Variants in TMEM268 observed in about 807,000 individuals in gnomAD.
TMEM268 encodes transmembrane protein C9orf91.
Under a neutral mutation model 39.1 loss-of-function variants are expected in TMEM268, and 24 were observed. The ratio of observed to expected loss-of-function variants is 0.61; its 90% confidence interval spans 0.44 to 0.86. The LOEUF is 0.86. TMEM268 is among the 40% of genes least tolerant of loss of function. The pLI is 0.00. For missense variants in TMEM268, 409 were observed against 428.6 expected, an observed-to-expected ratio of 0.95 and a Z score of 0.40; for synonymous variants, 176 against 173.5, an observed-to-expected ratio of 1.01 and a Z score of -0.12.
In TMEM268 at chr9:114,611,551, CG is replaced by C; in HGVS notation, c.-90del. 6.2e-6 allele frequency: 1 copy of C among 160,518 alleles called. No individual in the cohort carries two copies. Among genetic ancestry groups the C allele is most frequent in the Non-Finnish European group, 1.3e-5 (1 of 79,690 alleles). The allele number at this position is 160,518 out of a possible 1,614,324, so 9.9% of individuals were successfully genotyped here. A position where few individuals can be genotyped will look rare whatever the true frequency, so the allele number is the denominator to read the frequency against. On this transcript the variant is annotated 5_prime_UTR_variant, in exon 1 of 9. Transcript: ENST00000288502. ...CCCGGGGTGGCGGCGGCGGCGGCGG[CG>C]GCGGCGCGGGCGGTGAGTGTGCGCG...
chr9:114,607,420 C>T (rs1845379530), upstream of TMEM268, among the ~76,000 whole-genome samples: 1 of 152,080 alleles, frequency 6.6e-6, no homozygotes, highest in African/African-American at 2.4e-5. Flanking sequence ...CTTTGGGAGG[C>T]CGAGGCAGGT....
upstream of TMEM268, among the ~76,000 whole-genome samples, chr9:114,609,719 GA>G (rs1564279362): frequency 3.6e-5 from 3 of 83,024 alleles, no homozygotes; most frequent in South Asian, 8.4e-4. Context: ...AAAAGAAAAA[GA>G]AAAAGAAAAA....
intron 8 of TMEM268, among the ~76,000 whole-genome samples, chr9:114,642,072 A>G (rs1384131804): frequency 6.6e-6 from 1 of 152,234 alleles, no homozygotes; most frequent in African/African-American, 2.4e-5. Flanking sequence ...TTAAGTATAT[A>G]GTTCAGCAGC....
chr9:114,616,092 T>C (rs1340344250), intron 1 of TMEM268, among the ~76,000 whole-genome samples: 1 of 148,680 alleles, frequency 6.7e-6, no homozygotes, highest in Non-Finnish European at 1.5e-5. Context: ...CTCTGCTCAC[T>C]GCAAGCTCCA....
chr9:114,637,786 G>A (rs1846707776), intron 7 of TMEM268, among the ~76,000 whole-genome samples: 1 of 152,150 alleles, frequency 6.6e-6, no homozygotes, highest in East Asian at 1.9e-4. Context: ...CATGGAGCTG[G>A]CTGGTGATGC....
the TMEM268 span, among the ~76,000 whole-genome samples, chr9:114,604,750 C>T: frequency 6.6e-6 from 1 of 152,070 alleles, no homozygotes; most frequent in Admixed American, 6.6e-5. Flanking sequence ...TCAGAGGCCA[C>T]ATGTCCAATC....
chr9:114,609,112 C>T (rs532365763), upstream of TMEM268, among the ~76,000 whole-genome samples: 205 of 152,124 alleles, frequency 1.3e-3, no homozygotes, highest in Non-Finnish European at 2.2e-3. Context: ...GAGTTCGAGA[C>T]CAGCCTGGGC....
At chr9:114,631,870 G>A (rs527309835) in intron 5 of TMEM268, among the ~76,000 whole-genome samples, 31 of 152,248 alleles carry the variant, frequency 2.0e-4, no homozygotes, top group African/African-American at 7.2e-4. Flanking sequence ...GGAGGCTGAG[G>A]TGGGAGAATT....
intron 7 of TMEM268, 123 bp downstream of exon 7, chr9:114,637,193 C>A: frequency 1.7e-6 from 1 of 590,818 alleles, no homozygotes; most frequent in South Asian, 2.4e-5. Flanking sequence ...TACGAGCAAT[C>A]AGTGGTTGTT....
intron 5 of TMEM268, among the ~76,000 whole-genome samples, chr9:114,630,405 T>C (rs1299923581): frequency 1.3e-5 from 2 of 152,234 alleles, no homozygotes; most frequent in Non-Finnish European, 2.9e-5. Context: ...ATCCTGGCAA[T>C]GCCATCATCA....
chr9:114,622,357 C>G (rs1209676482), intron 2 of TMEM268: 1 of 985,282 alleles, frequency 1.0e-6, no homozygotes, highest in Admixed American at 6.1e-5. Context: ...TGGCTGAAAC[C>G]TGGGATCCTA....
intron 6 of TMEM268, among the ~76,000 whole-genome samples, chr9:114,634,637 C>A (rs1296774783): frequency 1.3e-5 from 2 of 152,202 alleles, no homozygotes; most frequent in African/African-American, 4.8e-5. Context: ...TGCATTCTCA[C>A]CAGTCATGGC....
At position 114,646,348 on chromosome 9, in the gene TMEM268, G is replaced by A. The variant is rs1418146930; in HGVS notation, c.*3035G>A. 5.3e-5 allele frequency: 8 copies of A among 152,236 alleles called. No homozygotes were observed. The highest frequency in any genetic ancestry group is 1.2e-4 in the African/African-American group (5 of 41,454). 9.4% of individuals were successfully genotyped at this position (152,236 alleles called of 1,614,324 possible). A position where few individuals can be genotyped will look rare whatever the true frequency, so the allele number is the denominator to read the frequency against. On this transcript the variant is annotated 3_prime_UTR_variant, in exon 9 of 9. Coordinates refer to ENST00000288502, the MANE Select transcript of TMEM268 (RefSeq NM_153045.4). ...CAGGTTGTTGTAAGGATTAAATGGTGTAAAAAAATGTCAAGTGCTTGCAAC... is the reference window on the plus strand; with the variant it reads ...CAGGTTGTTGTAAGGATTAAATGGTATAAAAAAATGTCAAGTGCTTGCAAC...
intron 5 of TMEM268, among the ~76,000 whole-genome samples, chr9:114,633,471 A>AT (rs1366886578): frequency 1.3e-5 from 2 of 151,822 alleles, no homozygotes; most frequent in Admixed American, 6.6e-5. Context: ...CACGTAGTTA[A>AT]TTTTTAAACA....
upstream of TMEM268, among the ~76,000 whole-genome samples, chr9:114,608,774 T>C (rs913422231): frequency 2.0e-5 from 3 of 152,242 alleles, no homozygotes; most frequent in Non-Finnish European, 2.9e-5. Context: ...GTACAATGCC[T>C]GTCCCTTAGC....
intron 2 of TMEM268, among the ~76,000 whole-genome samples, chr9:114,621,622 G>C (rs759248988): frequency 7.0e-4 from 107 of 152,308 alleles, no homozygotes; most frequent in Non-Finnish European, 1.4e-3. Flanking sequence ...TGATCAGTTA[G>C]GAGTTTAGAG....
intron 6 of TMEM268, among the ~76,000 whole-genome samples, chr9:114,635,362 TAAAAAC>T (rs1846589080): frequency 7.4e-6 from 1 of 135,440 alleles, no homozygotes; most frequent in African/African-American, 2.8e-5. Flanking sequence ...AAAAAAAAAA[TAAAAAC>T]AAAACAAAAC....
chr9:114,640,044 C>T (rs191869292), intron 8 of TMEM268, among the ~76,000 whole-genome samples: 2 of 150,258 alleles, frequency 1.3e-5, no homozygotes, highest in East Asian at 3.9e-4. Flanking sequence ...GCACTGTGCC[C>T]TGCCAAAATA....
intron 5 of TMEM268, among the ~76,000 whole-genome samples, chr9:114,633,162 A>ATTTT (rs566595273): frequency 7.2e-6 from 1 of 138,844 alleles, no homozygotes; most frequent in Non-Finnish European, 1.6e-5. Flanking sequence ...TGCCTAGTTA[A>ATTTT]TTTTTTTTTT....
Sources: allele counts gnomAD v4.1 joint callset (sites outside exome capture counted in the v4.1 genomes callset), GRCh38; gene constraint gnomAD v4.1.1; transcripts MANE v1.5; gene names NCBI Gene and HGNC (gene_info 2026-07-23, HGNC 2026-07-21).